B3GAT1: variants seen among roughly 807,000 people sequenced by gnomAD.
B3GAT1 encodes beta-1,3-glucuronyltransferase 1, also known as galactosylgalactosylxylosylprotein 3-beta-glucuronosyltransferase 1.
A neutral mutation model predicts 28.4 loss-of-function variants in B3GAT1; 11 were observed. That is an observed-to-expected ratio of 0.39 (90% confidence interval 0.24 to 0.64). The LOEUF is 0.64. Ranked by LOEUF, B3GAT1 falls within the 30% of genes least tolerant of loss-of-function variation. The pLI is 0.50. For missense variants in B3GAT1, 375 were observed against 491.0 expected, an observed-to-expected ratio of 0.76 and a Z score of 2.23; for synonymous variants, 255 against 223.1, an observed-to-expected ratio of 1.14 and a Z score of -1.27.
chr11:134,388,386 T>C (rs916387487), intron 1 of B3GAT1: 2 of 161,212 alleles, frequency 1.2e-5, no homozygotes, highest in Admixed American at 1.1e-4. Flanking sequence ...TATCAAAGCC[T>C]GGATAAAGGG....
intron 2 of B3GAT1, chr11:134,386,521 G>GTTCTACCCCTAGTTCTA: frequency 2.0e-5 from 3 of 152,320 alleles, no homozygotes; most frequent in Non-Finnish European, 4.4e-5. Flanking sequence ...CCCAGAGCCA[G>GTTCTACCCCTAGTTCTA]GGGAAAGGAG....
intron 1 of B3GAT1, among the ~76,000 whole-genome samples, chr11:134,399,170 C>T (rs927361497): frequency 3.9e-5 from 6 of 152,224 alleles, no homozygotes; most frequent in African/African-American, 1.2e-4. Flanking sequence ...TCCCCACATC[C>T]CTACCCGCCT....
rs768556268 is a variant in B3GAT1 at position 134,381,987 on chromosome 11, A to G, written c.956T>C (p.Leu319Pro). 1 of 1,614,136 alleles carries G rather than the reference A, an allele frequency of 6.2e-7. No individual in the cohort carries two copies. The change falls in exon 5 of 6, where the codon CTG becomes CCG. Residue 319 changes from leucine (L) to proline (P), a missense_variant. Coordinates refer to ENST00000312527, the MANE Select transcript of B3GAT1 (RefSeq NM_054025.3). ...GAAGCCCTTCTTGCCCTCATTCACC[A>G]GCACTGGCTTCTCTGTCCGTGTGTG... ...VWHTRTEKPV[L>P]VNEGKKGFTD...
chr11:134,408,832 G>A (rs1944789824), intron 1 of B3GAT1, among the ~76,000 whole-genome samples: 1 of 124,182 alleles, frequency 8.1e-6, no homozygotes, highest in African/African-American at 3.4e-5. Context: ...AGGGAGGTGG[G>A]ACAGCCTGCA....
intron 1 of B3GAT1, among the ~76,000 whole-genome samples, chr11:134,402,518 TC>T (rs1355829617): frequency 4.0e-5 from 6 of 151,814 alleles, no homozygotes; most frequent in Non-Finnish European, 8.8e-5. Context: ...CTTCCAGGGC[TC>T]CCCCACCTCC....
chr11:134,409,020 T>G (rs902087368), intron 1 of B3GAT1, among the ~76,000 whole-genome samples: 1 of 152,200 alleles, frequency 6.6e-6, no homozygotes, highest in African/African-American at 2.4e-5. Flanking sequence ...CTCCAAATTC[T>G]AGAGCCATCC....
At position 134,387,685 on chromosome 11, in the gene B3GAT1, T is replaced by C. The variant is rs1944320654; in HGVS notation, c.-26A>G. 1 of 1,613,376 alleles carries C rather than the reference T, an allele frequency of 6.2e-7. No individual in the cohort carries two copies. The highest frequency in any genetic ancestry group is 1.3e-5 in the African/African-American group (1 of 74,896). On this transcript the variant is annotated 5_prime_UTR_variant, in exon 2 of 6. Coordinates refer to ENST00000312527, the MANE Select transcript of B3GAT1 (RefSeq NM_054025.3). ...CTCCAAGGCTGGCTGCACCCACGGC[T>C]CCTCATTACCTGAGTGGCGGTAAGT...
At chr11:134,400,643 C>T (rs1240318035) in intron 1 of B3GAT1, among the ~76,000 whole-genome samples, 4 of 152,154 alleles carry the variant, frequency 2.6e-5, no homozygotes, top group Non-Finnish European at 2.9e-5. Context: ...TGTTGTAAGA[C>T]TTCAAACTAT....
At chr11:134,410,488 G>A (rs1944832216) in intron 1 of B3GAT1, among the ~76,000 whole-genome samples, 1 of 152,178 alleles carries the variant, frequency 6.6e-6, no homozygotes, top group African/African-American at 2.4e-5. Flanking sequence ...GGCAGTGCTG[G>A]GCATGGACTG....
At chr11:134,402,782 A>G (rs1039629562) in intron 1 of B3GAT1, among the ~76,000 whole-genome samples, 1 of 152,044 alleles carries the variant, frequency 6.6e-6, no homozygotes, top group African/African-American at 2.4e-5. Context: ...GTGTTGTGGC[A>G]GGTGCCTATA....
chr11:134,405,039 G>A (rs1357683840), intron 1 of B3GAT1, among the ~76,000 whole-genome samples: 1 of 152,178 alleles, frequency 6.6e-6, no homozygotes, highest in Non-Finnish European at 1.5e-5. Flanking sequence ...CCACTCTGTG[G>A]TCTGTGGATG....
intron 1 of B3GAT1, among the ~76,000 whole-genome samples, chr11:134,404,027 A>ATATATATTTATT (rs1555098477): frequency 1.9e-5 from 2 of 106,762 alleles, no homozygotes; most frequent in African/African-American, 3.9e-5. Flanking sequence ...ATATATATAT[A>ATATATATTTATT]TATTTATTAT....
In B3GAT1 at chr11:134,383,911, G is replaced by A. The variant is rs1285116486; in HGVS notation, c.390C>T (p.Thr130=). The A allele has an allele frequency of 1.9e-6, 3 of 1,595,646 alleles. No individual in the cohort carries two copies. The highest frequency in any genetic ancestry group is 1.1e-5 in the South Asian group (1 of 90,308). The part of the protein sequence containing the change: ...VEDAPRRTPL[T]ARLLRDTGLN... ...GGCCGGTGTCGCGCAGCAGGCGCGC[G>A]GTCAGCGGCGTCCGGCGCGGCGCAT... is the stretch of plus-strand genomic sequence containing the variant. Residue 130 remains threonine, a synonymous_variant, in exon 3 of 6, where the codon ACC becomes ACT. Coordinates refer to ENST00000312527, the MANE Select transcript of B3GAT1 (RefSeq NM_054025.3).
rs376242921 is a variant in B3GAT1, at chr11:134,411,031, G to C, written c.-282+776C>G. On this transcript the variant is annotated intron_variant, in intron 1 of 5. Coordinates refer to ENST00000312527, the MANE Select transcript of B3GAT1 (RefSeq NM_054025.3). This position sits in a 1 kb window ranked among gnomAD's most constrained non-coding sequence, Gnocchi z 6.0. ...GAAGGGGACAGGGAAGTTGGCCAAG[G>C]CTCCCATGTGTGTGCATGTGGGGGT... 3.4e-4 allele frequency among the ~76,000 whole-genome samples: 52 copies of C among 152,318 alleles called. No homozygotes were observed. The highest frequency in any genetic ancestry group is 1.2e-3 in the African/African-American group (48 of 41,572).
intron 1 of B3GAT1, among the ~76,000 whole-genome samples, chr11:134,394,454 C>T (rs1010996689): frequency 6.6e-6 from 1 of 152,232 alleles, no homozygotes; most frequent in African/African-American, 2.4e-5. Context: ...CGTCCCCCTG[C>T]AGACCCTCCC....
intron 1 of B3GAT1, chr11:134,389,051 A>C (rs1944355879): frequency 6.6e-6 from 1 of 152,202 alleles, no homozygotes; most frequent in Non-Finnish European, 1.5e-5. Flanking sequence ...ATAGTGGCTG[A>C]ACTAATTTAC....
At chr11:134,401,379 C>A (rs188428821) in intron 1 of B3GAT1, among the ~76,000 whole-genome samples, 1 of 152,332 alleles carries the variant, frequency 6.6e-6, no homozygotes, top group African/African-American at 2.4e-5. Flanking sequence ...TACACATACA[C>A]CATGGAATAC....
intron 1 of B3GAT1, among the ~76,000 whole-genome samples, chr11:134,406,068 G>C (rs1944725094): frequency 6.6e-6 from 1 of 152,266 alleles, no homozygotes; most frequent in Admixed American, 6.5e-5. Context: ...GGCACAGTGA[G>C]TTGCAGACGC....
chr11:134,403,983 T>TTATATATATATATATA (rs55794505), intron 1 of B3GAT1, among the ~76,000 whole-genome samples: 1 of 40,682 alleles, frequency 2.5e-5, no homozygotes. Context: ...GTTTCTTTCT[T>TTATATATATATATATA]TATATATATA....
Sources: allele counts gnomAD v4.1 joint callset (sites outside exome capture counted in the v4.1 genomes callset), GRCh38; gene constraint gnomAD v4.1.1; non-coding constraint Gnocchi (gnomAD v3.1); transcripts MANE v1.5; gene names NCBI Gene and HGNC (gene_info 2026-07-23, HGNC 2026-07-21).